Variants in LIN7A observed in about 807,000 individuals in gnomAD.
LIN7A encodes protein lin-7 homolog A.
A neutral mutation model predicts 29.8 loss-of-function variants in LIN7A; 25 were observed. The observed-to-expected ratio is 0.84, with a 90% CI of 0.61 to 1.17. The LOEUF is 1.17. Ranked by LOEUF, LIN7A falls within the 50% of genes most tolerant of loss-of-function variation. The pLI, the probability that LIN7A is intolerant of heterozygous loss-of-function variation, is 0.00. For synonymous variants in LIN7A, 118 were observed against 107.5 expected (o/e 1.10, Z -0.60); for missense variants, 239 against 287.0 (o/e 0.83, Z 1.21).
chr12:80,818,912 ATTTAGC>A, intron 4 of LIN7A, among the ~76,000 whole-genome samples: 1 of 152,346 alleles, frequency 6.6e-6, no homozygotes, highest in Non-Finnish European at 1.5e-5. Flanking sequence ...TTTTGCCTTG[ATTTAGC>A]TCTATAGTTG....
At chr12:80,807,082 T>TTTTTTTTTTTTTTTTTTTTTTTTTTTTTG (rs1555221398) in intron 5 of LIN7A, among the ~76,000 whole-genome samples, 1 of 134,584 alleles carries the variant, frequency 7.4e-6, no homozygotes. Flanking sequence ...TTTTTTTTTT[T>TTTTTTTTTTTTTTTTTTTTTTTTTTTTTG]TTTTTTTTTG....
At chr12:80,812,742 C>T (rs1006796352) in intron 4 of LIN7A, among the ~76,000 whole-genome samples, 6 of 151,432 alleles carry the variant, frequency 4.0e-5, no homozygotes, top group East Asian at 2.0e-4. Context: ...GTAGAGATGG[C>T]GTTTCACTAT....
intron 2 of LIN7A, among the ~76,000 whole-genome samples, chr12:80,855,879 T>C (rs1873568800): frequency 6.6e-6 from 1 of 152,178 alleles, no homozygotes; most frequent in Non-Finnish European, 1.5e-5. Context: ...GTTTTAAAAA[T>C]ATCTATTTAT....
chr12:80,838,647 T>C (rs1872683592), intron 4 of LIN7A, among the ~76,000 whole-genome samples: 2 of 152,216 alleles, frequency 1.3e-5, no homozygotes, highest in South Asian at 4.1e-4. Flanking sequence ...TATTTAATTA[T>C]AACCTAAACA....
intron 2 of LIN7A, among the ~76,000 whole-genome samples, chr12:80,885,040 A>G (rs1385582223): frequency 6.6e-6 from 1 of 152,004 alleles, no homozygotes. Context: ...ATTCCTTTGT[A>G]CTCTGTATTC....
intron 1 of LIN7A, among the ~76,000 whole-genome samples, chr12:80,890,411 T>C (rs928437009): frequency 1.1e-4 from 16 of 152,106 alleles, no homozygotes; most frequent in African/African-American, 3.6e-4. Flanking sequence ...CACTCATCCA[T>C]CCAGTATTTT....
At chr12:80,900,575 A>G (rs968108263) in intron 1 of LIN7A, among the ~76,000 whole-genome samples, 2 of 152,102 alleles carry the variant, frequency 1.3e-5, no homozygotes, top group African/African-American at 4.8e-5. Context: ...GGTTTTGAAC[A>G]ATTTTCTTAG....
chr12:80,925,816 T>C (rs1315153992), intron 1 of LIN7A, among the ~76,000 whole-genome samples: 1 of 152,246 alleles, frequency 6.6e-6, no homozygotes, highest in East Asian at 1.9e-4. Context: ...TATTAAAATG[T>C]CACTTTACAG....
chr12:80,805,747 C>T (rs75605150), intron 5 of LIN7A, among the ~76,000 whole-genome samples: 15,201 of 151,810 alleles, frequency 0.1, 820 homozygotes, highest in East Asian at 0.18. Flanking sequence ...GTTGTATCTC[C>T]CAGAATTCCC....
At chr12:80,825,936 C>A (rs753958393) in intron 4 of LIN7A, among the ~76,000 whole-genome samples, 14 of 152,232 alleles carry the variant, frequency 9.2e-5, no homozygotes, top group South Asian at 2.1e-4. Flanking sequence ...GGAAATACAG[C>A]AAATCTGGGC....
intron 1 of LIN7A, among the ~76,000 whole-genome samples, chr12:80,927,155 C>CTTTTTCT (rs1246361470): frequency 1.1e-3 from 86 of 75,544 alleles, no homozygotes; most frequent in South Asian, 1.6e-3. Context: ...TTTTCTTTTT[C>CTTTTTCT]TTTTTTTTTT....
intron 1 of LIN7A, among the ~76,000 whole-genome samples, chr12:80,905,978 G>C (rs913140954): frequency 6.6e-5 from 10 of 151,910 alleles, no homozygotes; most frequent in Non-Finnish European, 1.3e-4. Context: ...ATTTATTTTA[G>C]ATAAGTTCTT....
Position 80,842,226 on chromosome 12 carries a change from C to T in LIN7A, c.483+3504G>A, listed in dbSNP as rs996173727. ...CCATCACACTTTATAACCTAACATT[C>T]CATGTTAATAGTTCTGTGTGTGTAT... On this transcript the variant is annotated intron_variant, in intron 4 of 5. Coordinates refer to ENST00000552864, the MANE Select transcript of LIN7A (RefSeq NM_004664.4). 15 of 803,968 alleles carry T rather than the reference C, an allele frequency of 1.9e-5. No homozygotes were observed. The South Asian group carries it at 2.6e-4, about 14-fold the overall frequency. 49.8% of individuals were successfully genotyped at this position (803,968 alleles called of 1,614,324 possible).
At chr12:80,927,445 G>A (rs1017499735) in intron 1 of LIN7A, among the ~76,000 whole-genome samples, 1 of 152,070 alleles carries the variant, frequency 6.6e-6, no homozygotes, top group South Asian at 2.1e-4. Context: ...CACCACGCCC[G>A]GCCACAGTAA....
chr12:80,922,813 C>T (rs1285196462), intron 1 of LIN7A, among the ~76,000 whole-genome samples: 3 of 152,138 alleles, frequency 2.0e-5, no homozygotes, highest in Non-Finnish European at 4.4e-5. Flanking sequence ...AATGAAACCC[C>T]TTGCCTTCCA....
chr12:80,853,935 C>T (rs1873461597), intron 2 of LIN7A, among the ~76,000 whole-genome samples: 1 of 152,120 alleles, frequency 6.6e-6, no homozygotes, highest in Non-Finnish European at 1.5e-5. Context: ...CTCAAGTGAT[C>T]CGACGGCCTC....
Position 80,807,078 on chromosome 12 carries a change from T to G in LIN7A, c.*4387A>C, listed in dbSNP as rs1456665718. On this transcript the variant is annotated intron_variant, in intron 5 of 5. Transcript: ENST00000552864. ...TGAAGATGGAGTTTTTTTTTTTTTTTTTTTTTTTTTTTTGACGGAGTCTCG... is the reference window on the plus strand; with the variant it reads ...TGAAGATGGAGTTTTTTTTTTTTTTGTTTTTTTTTTTTTGACGGAGTCTCG... Among the ~76,000 whole-genome samples, 89 of 115,108 alleles carry G rather than the reference T, an allele frequency of 7.7e-4. 6 individuals are homozygous for G. The highest frequency in any genetic ancestry group is 3.7e-3 in the Middle Eastern group (1 of 270). The allele number at this position is 115,108 out of a possible 152,430, so 75.5% of individuals were successfully genotyped here. A position where few individuals can be genotyped will look rare whatever the true frequency, so the allele number is the denominator to read the frequency against.
chr12:80,865,998 G>T lies in LIN7A; in HGVS notation c.202-17676C>A, dbSNP rs1592907886. Reference sequence around the variant, plus strand: ...AAGGTATTAAAGGGCCTTAATCAAGGATTCAGCAGTGGTGTTTTAAAAAGG... The same window carrying T: ...AAGGTATTAAAGGGCCTTAATCAAGTATTCAGCAGTGGTGTTTTAAAAAGG... On this transcript the variant is annotated intron_variant, in intron 2 of 5. Coordinates refer to ENST00000552864, the MANE Select transcript of LIN7A (RefSeq NM_004664.4). Among the ~76,000 whole-genome samples the T allele has an allele frequency of 2.0e-5, 3 of 152,148 alleles. No homozygotes were observed. In the East Asian group the frequency reaches 5.8e-4, roughly 29 times the overall value.
chr12:80,882,127 C>T (rs1875076450), intron 2 of LIN7A, among the ~76,000 whole-genome samples: 1 of 151,666 alleles, frequency 6.6e-6, no homozygotes, highest in South Asian at 2.1e-4. Flanking sequence ...TTTGAATGAT[C>T]AAGAACTACA....
Sources: gnomAD v4.1 joint callset for allele counts (sites outside exome capture counted in the v4.1 genomes callset) on GRCh38, gnomAD v4.1.1 for gene constraint, MANE v1.5 for transcripts, NCBI Gene and HGNC (gene_info 2026-07-23, HGNC 2026-07-21) for gene names.